PRDM2: variants seen among roughly 807,000 people sequenced by gnomAD.
The protein encoded by PRDM2 is PR domain zinc finger protein 2.
Under a neutral mutation model 130.0 loss-of-function variants are expected in PRDM2, and 30 were observed. The ratio of observed to expected loss-of-function variants is 0.23; its 90% CI spans 0.17 to 0.31. The LOEUF (loss-of-function observed/expected upper bound fraction) is 0.31. PRDM2 is among the 10% of genes least tolerant of loss of function. PRDM2 has a pLI of 1.00. For missense variants in PRDM2, 2,011 were observed against 2,108.4 expected (o/e 0.95, Z 0.90); for synonymous variants, 871 against 782.4 (o/e 1.11, Z -1.89).
chr1:13,706,878 T>C (rs1429512676), intron 1 of PRDM2, among the ~76,000 whole-genome samples: 1 of 152,112 alleles, frequency 6.6e-6, no homozygotes, highest in Non-Finnish European at 1.5e-5. Flanking sequence ...ATTGCCATTA[T>C]TTTTAAATGT....
chr1:13,719,941 C>G (rs1642670102), intron 2 of PRDM2, among the ~76,000 whole-genome samples: 1 of 152,040 alleles, frequency 6.6e-6, no homozygotes. Flanking sequence ...TATTATTAGT[C>G]TATTGTAGCA....
At chr1:13,774,633 A>C (rs1427226096) in intron 7 of PRDM2, among the ~76,000 whole-genome samples, 1 of 152,146 alleles carries the variant, frequency 6.6e-6, no homozygotes, top group Non-Finnish European at 1.5e-5. Context: ...CCCCTTCAGT[A>C]ATTCGAGACA....
At chr1:13,742,269 C>G (rs1354581057) in intron 5 of PRDM2, 112 bp downstream of exon 5, 2 of 1,205,316 alleles carry the variant, frequency 1.7e-6, no homozygotes, top group African/African-American at 3.1e-5. Flanking sequence ...GGCTCCATCA[C>G]GGCTCACTGC....
Position 13,715,519 on chromosome 1 carries a change from A to G in PRDM2, c.-65-22A>G, listed in dbSNP as rs578053433. ...AAATTTGTAGGCAGGTACATATTAC[A>G]ATTGTCTGTTTTTCTTTTTAGGGTT... On this transcript the variant is annotated intron_variant, in intron 1 of 9. Transcript: ENST00000311066. The G allele has an allele frequency of 9.0e-6, 11 of 1,226,528 alleles. No individual in the cohort carries two copies. The African/African-American group carries it at 1.6e-4, about 17-fold the overall frequency. The allele number at this position is 1,226,528 out of a possible 1,614,324, so 76.0% of individuals were successfully genotyped here.
At chr1:13,764,397 C>T (rs1470177870) in intron 6 of PRDM2, among the ~76,000 whole-genome samples, 1 of 152,176 alleles carries the variant, frequency 6.6e-6, no homozygotes, top group Non-Finnish European at 1.5e-5. Context: ...AACAGGTCAG[C>T]ATCTTGTTTA....
intron 8 of PRDM2, among the ~76,000 whole-genome samples, chr1:13,793,257 C>T (rs953508083): frequency 2.0e-5 from 3 of 152,226 alleles, no homozygotes; most frequent in Non-Finnish European, 4.4e-5. Context: ...ATGCCGTGCG[C>T]GTTACAGAAG....
chr1:13,791,806 G>A (rs950512035), intron 8 of PRDM2, among the ~76,000 whole-genome samples: 2 of 152,156 alleles, frequency 1.3e-5, no homozygotes, highest in African/African-American at 2.4e-5. Context: ...TAAACTTGTC[G>A]ACCTGTTGCG....
rs1434124030 is a variant in PRDM2 at position 13,780,980 on chromosome 1, C to T, written c.3185C>T (p.Ser1062Phe). The T allele has an allele frequency of 3.1e-6, 5 of 1,600,646 alleles. No homozygotes were observed. The highest frequency in any genetic ancestry group is 4.3e-6 in the Non-Finnish European group (5 of 1,168,046). The change falls in exon 8 of 10, where the codon TCT becomes TTT. Residue 1062 changes from serine to phenylalanine, a missense_variant. Coordinates refer to ENST00000311066, the MANE Select transcript of PRDM2 (RefSeq NM_001393986.1). ...TCCTCCTCTTCATCTTCCTCCTCCT[C>T]TTCGTTTTCTTCTTCATCTTCCTCC... ...SSSSSSSSSSSSFSSSSSSSS... is the reference protein window; with the variant it reads ...SSSSSSSSSSFSFSSSSSSSS...
Position 13,782,320 on chromosome 1 carries a change from A to G in PRDM2, c.4525A>G (p.Ser1509Gly). 1 of 1,614,042 alleles carries G rather than the reference A, an allele frequency of 6.2e-7. No homozygotes were observed. The stretch of plus-strand genomic sequence containing the variant: ...ATCACCTGCAAGTAGTGACAAAAAC[A>G]GTAACAGCAACCACCGCAGACGGAC... ...HSSPASSDKN[S>G]NSNHRRRTAD... is the part of the protein sequence containing the mutation. The change falls in exon 8 of 10, where the codon AGT (serine) becomes GGT (glycine). Residue 1509 changes from serine (S) to glycine (G), a missense_variant. Transcript: ENST00000311066.
rs1423305813 is a variant in PRDM2, at chr1:13,780,879, C to G, written c.3084C>G (p.Ser1028=). ...SPLPILSPTV[S]PSPSPIPPVE... ...TTCCAATTCTGTCCCCAACAGTGTCCCCCTCTCCCTCTCCCATTCCTCCCG... is the reference window on the plus strand; with the variant it reads ...TTCCAATTCTGTCCCCAACAGTGTCGCCCTCTCCCTCTCCCATTCCTCCCG... The change falls in exon 8 of 10, where the codon TCC becomes TCG. Residue 1028 remains serine, a synonymous_variant. Coordinates refer to ENST00000311066, the MANE Select transcript of PRDM2 (RefSeq NM_001393986.1). 1 of 1,612,734 alleles carries G rather than the reference C, an allele frequency of 6.2e-7. No homozygotes were observed. Among genetic ancestry groups the G allele is most frequent in the African/African-American group, 1.3e-5 (1 of 74,720 alleles).
chr1:13,770,763 A>G (rs1569957279), intron 6 of PRDM2, among the ~76,000 whole-genome samples: 1 of 152,180 alleles, frequency 6.6e-6, no homozygotes, highest in African/African-American at 2.4e-5. Context: ...TGTCTTATAA[A>G]AATGTCATTG....
At chr1:13,726,252 G>A (rs1642912113) in intron 2 of PRDM2, among the ~76,000 whole-genome samples, 1 of 152,210 alleles carries the variant, frequency 6.6e-6, no homozygotes, top group Non-Finnish European at 1.5e-5. Context: ...TCTTGGCTCA[G>A]AGGATGGAAT....
intron 5 of PRDM2, among the ~76,000 whole-genome samples, chr1:13,748,965 T>C (rs953306647): frequency 2.6e-5 from 4 of 152,202 alleles, no homozygotes; most frequent in African/African-American, 9.6e-5. Context: ...AGCACTCCGC[T>C]TTCCACACCG....
At chr1:13,768,200 C>G (rs1205776756) in intron 6 of PRDM2, among the ~76,000 whole-genome samples, 5 of 150,670 alleles carry the variant, frequency 3.3e-5, no homozygotes, top group Non-Finnish European at 7.4e-5. Context: ...GCCTCAGCCT[C>G]CCAAGTAGCT....
chr1:13,767,764 C>G (rs1309910729), intron 6 of PRDM2, among the ~76,000 whole-genome samples: 1 of 152,024 alleles, frequency 6.6e-6, no homozygotes, highest in African/African-American at 2.4e-5. Flanking sequence ...TTGCTGAGCC[C>G]AGGAGTTCGA....
chr1:13,774,872 G>T (rs1644438829), intron 7 of PRDM2, among the ~76,000 whole-genome samples: 1 of 151,872 alleles, frequency 6.6e-6, no homozygotes, highest in African/African-American at 2.4e-5. Context: ...GGAGGCTGAG[G>T]CAGGAAAATG....
rs780290723 is a variant in PRDM2, at chr1:13,781,575, G to A, written c.3780G>A (p.Glu1260=). The change falls in exon 8 of 10, where the codon GAG becomes GAA. Residue 1260 remains glutamate (E), a synonymous_variant. Coordinates refer to ENST00000311066, the MANE Select transcript of PRDM2 (RefSeq NM_001393986.1). This position sits in a 1 kb window ranked among gnomAD's most constrained non-coding sequence, Gnocchi z 6.1. ...EDPLETSKEE[E]ELNDSSEELY... ...CTTTAGAAACTTCTAAAGAAGAAGA[G>A]GAGTTAAATGATTCCTCTGAAGAGC... 16 of 1,612,446 alleles carry A rather than the reference G, an allele frequency of 9.9e-6. No individual in the cohort carries two copies. In the African/African-American group the frequency reaches 1.1e-4, roughly 11 times the overall value.
At position 13,711,401 on chromosome 1, in the gene PRDM2, C is replaced by T. The variant is rs554606337; in HGVS notation, c.-65-4140C>T. Among the ~76,000 whole-genome samples the T allele has an allele frequency of 3.4e-3, 314 of 93,284 alleles. 1 individual carries two copies. The highest frequency in any genetic ancestry group is 6.6e-3 in the Middle Eastern group (1 of 152). The allele number at this position is 93,284 out of a possible 152,430, so 61.2% of individuals were successfully genotyped here. A position where few individuals can be genotyped will look rare whatever the true frequency, so the allele number is the denominator to read the frequency against. ...GTTGCTTTAGTATTCTATTGCAGCT[C>T]GTCACATGGTTACCACATTCAGAGG... is the stretch of plus-strand genomic sequence containing the variant. On this transcript the variant is annotated intron_variant, in intron 1 of 9. Transcript: ENST00000311066.
chr1:13,812,621 G>A (rs1312981189), intron 8 of PRDM2, among the ~76,000 whole-genome samples: 4 of 152,192 alleles, frequency 2.6e-5, no homozygotes, highest in Non-Finnish European at 5.9e-5. Flanking sequence ...AGACATCCAA[G>A]TGGAGGGGCC....
Sources: allele counts gnomAD v4.1 joint callset (sites outside exome capture counted in the v4.1 genomes callset), GRCh38; gene constraint gnomAD v4.1.1; non-coding constraint Gnocchi (gnomAD v3.1); transcripts MANE v1.5; gene names NCBI Gene and HGNC (gene_info 2026-07-23, HGNC 2026-07-21).